The following GLMN variants were observed in gnomAD, a reference collection of about 807,000 sequenced individuals.
GLMN encodes glomulin.
Under a neutral mutation model 87.8 loss-of-function variants are expected in GLMN, and 75 were observed. That is an observed-to-expected ratio of 0.85 (90% CI 0.71 to 1.04). The LOEUF is 1.04. Ranked by LOEUF, GLMN falls within the 50% of genes least tolerant of loss-of-function variation. The probability of loss-of-function intolerance (pLI) is 0.00; values close to 1 mark genes in which losing one functional copy is unlikely to be tolerated. For missense variants in GLMN, 588 were observed against 658.8 expected (o/e 0.89, Z 1.18); for synonymous variants, 206 against 221.6 (o/e 0.93, Z 0.63).
intron 16 of GLMN, among the ~76,000 whole-genome samples, chr1:92,248,966 T>C (rs1264026660): frequency 6.6e-6 from 1 of 152,120 alleles, no homozygotes; most frequent in East Asian, 1.9e-4. Context: ...AATAAAGATG[T>C]ATGTTATGAT....
At chr1:92,339,427 G>C in the GLMN span, among the ~76,000 whole-genome samples, 1 of 151,146 alleles carries the variant, frequency 6.6e-6, no homozygotes, top group African/African-American at 2.4e-5. Context: ...TTAATGGGTA[G>C]TCAAAGCTGA....
At chr1:92,334,966 C>T in the GLMN span, among the ~76,000 whole-genome samples, 1 of 151,946 alleles carries the variant, frequency 6.6e-6, no homozygotes, top group African/African-American at 2.4e-5. Flanking sequence ...CCAGCCTGAG[C>T]AACAGAGTGA....
intron 16 of GLMN, among the ~76,000 whole-genome samples, chr1:92,260,844 A>C (rs2100854580): frequency 6.6e-6 from 1 of 152,092 alleles, no homozygotes; most frequent in South Asian, 2.1e-4. Flanking sequence ...CATGACAAAC[A>C]AAAGTGAGGA....
chr1:92,328,575 A>G, the GLMN span, among the ~76,000 whole-genome samples: 4 of 152,128 alleles, frequency 2.6e-5, no homozygotes, highest in African/African-American at 9.7e-5. Flanking sequence ...GATTTCTTTA[A>G]GTTGGGCCTC....
intron 15 of GLMN, 59 bp from the exon 16 acceptor site, chr1:92,262,985 CAAT>C (rs1391331612): frequency 1.4e-6 from 1 of 723,820 alleles, no homozygotes; most frequent in Non-Finnish European, 2.5e-6. Flanking sequence ...ACAGCAATCT[CAAT>C]AAGCTAAAAC....
the GLMN span, among the ~76,000 whole-genome samples, chr1:92,314,217 A>G: frequency 6.6e-6 from 1 of 152,048 alleles, no homozygotes; most frequent in Admixed American, 6.6e-5. Flanking sequence ...TGCCTTCCTC[A>G]CTAAGCTTAA....
chr1:92,337,995 A>G, the GLMN span, among the ~76,000 whole-genome samples: 108 of 152,276 alleles, frequency 7.1e-4, no homozygotes, highest in East Asian at 0.015. Context: ...AGTGTATTCA[A>G]TGTTTGTATT....
chr1:92,267,842 GA>G (rs1655818574), intron 11 of GLMN, 70 bp downstream of exon 11: 3 of 825,630 alleles, frequency 3.6e-6, no homozygotes, highest in Non-Finnish European at 6.5e-6. Flanking sequence ...AAAGGAATCA[GA>G]AAAGACCTTA....
At chr1:92,287,642 A>G (rs114676923) in intron 6 of GLMN, among the ~76,000 whole-genome samples, 2,122 of 152,176 alleles carry the variant, frequency 0.014, 48 homozygotes, top group African/African-American at 0.048. Context: ...GTCTGGCTGT[A>G]AATTTTTTTT....
intron 16 of GLMN, among the ~76,000 whole-genome samples, chr1:92,255,777 A>G (rs1412805020): frequency 2.0e-5 from 3 of 152,220 alleles, no homozygotes; most frequent in East Asian, 3.9e-4. Flanking sequence ...TTAGAGGGAA[A>G]TTTTTAGCAC....
At chr1:92,306,372 T>C in the GLMN span, among the ~76,000 whole-genome samples, 1 of 152,310 alleles carries the variant, frequency 6.6e-6, no homozygotes, top group South Asian at 2.1e-4. Flanking sequence ...TTAGATTATG[T>C]ATATTTTACC....
intron 7 of GLMN, among the ~76,000 whole-genome samples, chr1:92,280,985 T>C (rs1647968844): frequency 6.6e-6 from 1 of 152,152 alleles, no homozygotes. Context: ...ACCAAATCTA[T>C]GTTTGATTGG....
intron 9 of GLMN, among the ~76,000 whole-genome samples, chr1:92,268,999 G>A (rs1655952236): frequency 6.7e-6 from 1 of 149,752 alleles, no homozygotes; most frequent in African/African-American, 2.5e-5. Flanking sequence ...GCTCACTGCA[G>A]CCCAGACCTC....
intron 3 of GLMN, among the ~76,000 whole-genome samples, chr1:92,293,351 C>T (rs1351690089): frequency 6.6e-6 from 1 of 152,008 alleles, no homozygotes; most frequent in African/African-American, 2.4e-5. Flanking sequence ...CATATATTGT[C>T]GCGACATGTA....
In GLMN at chr1:92,247,836, A is replaced by G. The variant is rs770038768; in HGVS notation, c.1585+42T>C. ...AATATGACAGTTCCAAAATTAGACT[A>G]CTTTTTAGACCTAATTGAAAACAAA... On this transcript the variant is annotated intron_variant, in intron 17 of 18. Transcript: ENST00000370360. 5 of 799,656 alleles carry G rather than the reference A, an allele frequency of 6.3e-6. No individual in the cohort carries two copies. In the South Asian group the frequency reaches 6.7e-5, roughly 11 times the overall value. The allele number at this position is 799,656 out of a possible 1,614,324, so 49.5% of individuals were successfully genotyped here.
At chr1:92,249,041 A>T (rs1653075041) in intron 16 of GLMN, among the ~76,000 whole-genome samples, 1 of 152,126 alleles carries the variant, frequency 6.6e-6, no homozygotes, top group South Asian at 2.1e-4. Flanking sequence ...TCAACAGGAG[A>T]TTCATAGTAA....
chr1:92,300,175 G>T, upstream of GLMN: 1 of 1,581,720 alleles, frequency 6.3e-7, no homozygotes, highest in South Asian at 1.1e-5. Context: ...TGTAGCACAT[G>T]ACTGTATTTT....
the GLMN span, among the ~76,000 whole-genome samples, chr1:92,366,906 G>A: frequency 6.6e-6 from 1 of 152,238 alleles, no homozygotes; most frequent in East Asian, 1.9e-4. Context: ...TGTGCAAACA[G>A]GTATTTTGGT....
At chr1:92,346,733 T>C in the GLMN span, among the ~76,000 whole-genome samples, 1 of 152,224 alleles carries the variant, frequency 6.6e-6, no homozygotes, top group Non-Finnish European at 1.5e-5. Context: ...AAACATTTAG[T>C]ACTCATTCAG....
Sources: allele counts gnomAD v4.1 joint callset (sites outside exome capture counted in the v4.1 genomes callset), GRCh38; gene constraint gnomAD v4.1.1; transcripts MANE v1.5; gene names NCBI Gene and HGNC (gene_info 2026-07-23, HGNC 2026-07-21).